KCNIP4: variants seen among roughly 807,000 people sequenced by gnomAD.
KCNIP4 encodes the protein Kv channel-interacting protein 4.
Under a neutral mutation model 34.0 loss-of-function variants are expected in KCNIP4, and 12 were observed. The observed-to-expected ratio is 0.35, with a 90% CI of 0.23 to 0.57. The LOEUF (loss-of-function observed/expected upper bound fraction) is 0.57. Ranked by LOEUF, KCNIP4 falls within the 20% of genes least tolerant of loss-of-function variation. The pLI is 0.83. For synonymous variants in KCNIP4, 124 were observed against 102.2 expected (o/e 1.21, Z -1.29); for missense variants, 238 against 311.7 (o/e 0.76, Z 1.78).
rs1748401898 is a variant in KCNIP4 at position 20,732,061 on chromosome 4, T to A, written c.650A>T (p.Asp217Val). The A allele has an allele frequency of 6.2e-7, 1 of 1,606,442 alleles. No individual in the cohort carries two copies. Among genetic ancestry groups the A allele is most frequent in the Admixed American group, 1.7e-5 (1 of 59,102 alleles). Residue 217 changes from aspartate (D) to valine (V), a missense_variant, in exon 8 of 9, where the codon GAC becomes GTC. By Grantham distance (152) the Asp-to-Val change is radical. Coordinates refer to ENST00000382152, the MANE Select transcript of KCNIP4 (RefSeq NM_025221.6). ...QHVETFFQKM[D>V]KNKDGVVTID... ...GGTAACAACCCCATCTTTATTTTTG[T>A]CCATTTTCTGTTCAGGAAGAAAACA...
intron 1 of KCNIP4, among the ~76,000 whole-genome samples, chr4:21,519,232 G>T (rs959768779): frequency 2.6e-5 from 4 of 151,708 alleles, no homozygotes; most frequent in African/African-American, 7.3e-5. Context: ...GAACTTTGTT[G>T]CTCTTTCACC....
intron 1 of KCNIP4, among the ~76,000 whole-genome samples, chr4:21,807,073 G>A (rs1721340801): frequency 6.6e-6 from 1 of 152,014 alleles, no homozygotes; most frequent in East Asian, 1.9e-4. Flanking sequence ...TCAGGCATTA[G>A]ATTCTCATAA....
intron 1 of KCNIP4, among the ~76,000 whole-genome samples, chr4:20,925,033 T>A (rs1729758596): frequency 6.8e-6 from 1 of 146,756 alleles, no homozygotes. Context: ...CTAAATTATT[T>A]TAACAACTTT....
chr4:21,536,659 T>C (rs533162852), intron 1 of KCNIP4, among the ~76,000 whole-genome samples: 1 of 152,078 alleles, frequency 6.6e-6, no homozygotes, highest in African/African-American at 2.4e-5. Flanking sequence ...TGCGTATCTG[T>C]AATCTCAGCT....
At chr4:21,177,395 G>A (rs1055597164) in intron 1 of KCNIP4, among the ~76,000 whole-genome samples, 10 of 152,256 alleles carry the variant, frequency 6.6e-5, no homozygotes, top group Admixed American at 1.3e-4. Context: ...ATTCACAGAA[G>A]CAGGAAAGAT....
At chr4:21,052,496 A>C (rs1431758398) in intron 1 of KCNIP4, among the ~76,000 whole-genome samples, 1 of 152,190 alleles carries the variant, frequency 6.6e-6, no homozygotes, top group African/African-American at 2.4e-5. Context: ...TATATTACAC[A>C]CAGAGGAGGT....
At chr4:21,871,434 C>CAT (rs1195910307) in intron 1 of KCNIP4, among the ~76,000 whole-genome samples, 3 of 151,462 alleles carry the variant, frequency 2.0e-5, no homozygotes, top group African/African-American at 7.3e-5. Context: ...AAATGTGGCA[C>CAT]ATATACACCA....
chr4:20,749,884 G>C (rs1753274349), intron 4 of KCNIP4, 152 bp from the exon 5 acceptor site: 1 of 522,604 alleles, frequency 1.9e-6, no homozygotes, highest in Admixed American at 3.3e-5. Context: ...TCTTTCTGTA[G>C]AGGACTAGAG....
chr4:21,304,087 CAGAG>C (rs145509516), intron 1 of KCNIP4: 1,962 of 127,148 alleles, frequency 0.015, 37 homozygotes, highest in African/African-American at 0.061. Context: ...GAGAGAGAGA[CAGAG>C]AGAGAGAGAG....
chr4:21,853,186 T>A (rs1420352342), intron 1 of KCNIP4: 1 of 152,142 alleles, frequency 6.6e-6, no homozygotes, highest in East Asian at 1.9e-4. Context: ...GCCAGACTCA[T>A]AGGGTTGTAG....
intron 1 of KCNIP4, among the ~76,000 whole-genome samples, chr4:21,818,385 T>A (rs1014230726): frequency 2.0e-5 from 3 of 152,226 alleles, no homozygotes; most frequent in Non-Finnish European, 4.4e-5. Flanking sequence ...TCATGTCTTG[T>A]CATATTTATA....
At chr4:20,971,716 T>C (rs1734968758) in intron 1 of KCNIP4, among the ~76,000 whole-genome samples, 2 of 152,226 alleles carry the variant, frequency 1.3e-5, no homozygotes, top group Admixed American at 1.3e-4. Context: ...AAGGTGATAG[T>C]TGCTGAAGGT....
intron 1 of KCNIP4, among the ~76,000 whole-genome samples, chr4:21,124,183 C>T (rs1257674157): frequency 1.3e-5 from 2 of 151,988 alleles, no homozygotes; most frequent in African/African-American, 2.4e-5. Context: ...CTTTATTCAA[C>T]TTGTGGTATC....
intron 3 of KCNIP4, among the ~76,000 whole-genome samples, chr4:20,795,159 G>C (rs1713286754): frequency 6.6e-6 from 1 of 152,122 alleles, no homozygotes; most frequent in Non-Finnish European, 1.5e-5. Flanking sequence ...TGAGGAGAAA[G>C]TGGGACTCTG....
At chr4:21,864,787 A>G (rs1207313975) in intron 1 of KCNIP4, among the ~76,000 whole-genome samples, 1 of 152,196 alleles carries the variant, frequency 6.6e-6, no homozygotes, top group East Asian at 1.9e-4. Context: ...GCAAAACTCC[A>G]AAGTCCCATG....
In KCNIP4 at chr4:21,629,858, T is replaced by TTTTC. The variant is rs1458291195; in HGVS notation, c.61+318712_61+318713insGAAA. Among the ~76,000 whole-genome samples, 7 of 133,218 alleles carry TTTTC rather than the reference T, an allele frequency of 5.3e-5. No individual in the cohort carries two copies. The East Asian group carries it at 1.6e-3, about 30-fold the overall frequency. 87.4% of individuals were successfully genotyped at this position (133,218 alleles called of 152,430 possible). ...CCTTTTCTTTTTCTTTCTTTTTTTT[T>TTTTC]TTTTTTTTTTGAGACAGGGTCTTGC... On this transcript the variant is annotated intron_variant, in intron 1 of 8. Transcript: ENST00000382152.
chr4:21,396,549 C>CAAAAAAAAAACA (rs1723017148), intron 1 of KCNIP4, among the ~76,000 whole-genome samples: 1 of 52,790 alleles, frequency 1.9e-5, no homozygotes, highest in African/African-American at 5.7e-5. Flanking sequence ...AGCAAGACTC[C>CAAAAAAAAAACA]AAAAAAAAAA....
intron 3 of KCNIP4, among the ~76,000 whole-genome samples, chr4:20,788,888 T>C (rs1436993066): frequency 2.0e-5 from 3 of 150,798 alleles, no homozygotes; most frequent in African/African-American, 4.9e-5. Flanking sequence ...GAAGGAGGAG[T>C]TGATTATTGG....
intron 1 of KCNIP4, among the ~76,000 whole-genome samples, chr4:21,236,560 G>C (rs1343456360): frequency 6.6e-6 from 1 of 152,118 alleles, no homozygotes; most frequent in East Asian, 1.9e-4. Context: ...CTGATTTAGA[G>C]AGTGTTTCAA....
Sources: allele counts gnomAD v4.1 joint callset (sites outside exome capture counted in the v4.1 genomes callset), GRCh38; gene constraint gnomAD v4.1.1; transcripts MANE v1.5; gene names NCBI Gene and HGNC (gene_info 2026-07-23, HGNC 2026-07-21).